PXDNL: variants seen among roughly 807,000 people sequenced by gnomAD.
PXDNL encodes the protein peroxidasin like.
A neutral mutation model predicts 150.8 loss-of-function variants in PXDNL; 145 were observed. The observed-to-expected ratio is 0.96, with a 90% CI of 0.84 to 1.10. PXDNL has a LOEUF of 1.10. Among genes scored for constraint, PXDNL ranks in the 50% least tolerant of loss-of-function variants. The pLI is 0.00. For synonymous variants in PXDNL, 757 were observed against 725.7 expected (o/e 1.04, Z -0.69); for missense variants, 2,087 against 1,873.9 (o/e 1.11, Z -2.10).
intron 11 of PXDNL, among the ~76,000 whole-genome samples, chr8:51,448,236 TG>T (rs1809722702): frequency 6.6e-6 from 1 of 152,212 alleles, no homozygotes; most frequent in African/African-American, 2.4e-5. Flanking sequence ...TGTAAGTGTC[TG>T]GCGCCTTGGT....
chr8:51,656,461 T>A (rs994281761), intron 1 of PXDNL, among the ~76,000 whole-genome samples: 2 of 152,106 alleles, frequency 1.3e-5, no homozygotes, highest in Admixed American at 6.5e-5. Flanking sequence ...TATAAACATA[T>A]AAGACATTAA....
chr8:51,411,259 C>A lies in PXDNL; in HGVS notation c.2053G>T (p.Glu685Ter), dbSNP rs760036892. 2 of 1,475,924 alleles carry A rather than the reference C, an allele frequency of 1.4e-6. No homozygotes were observed. Among genetic ancestry groups the A allele is most frequent in the South Asian group, 1.5e-5 (1 of 68,002 alleles). The allele number at this position is 1,475,924 out of a possible 1,614,324, so 91.4% of individuals were successfully genotyped here. A position where few individuals can be genotyped will look rare whatever the true frequency, so the allele number is the denominator to read the frequency against. The change falls in exon 16 of 23, where the codon GAA becomes TAA. Residue 685 changes from glutamate to a stop codon, truncating the protein, a stop_gained. Coordinates refer to ENST00000356297, the MANE Select transcript of PXDNL (RefSeq NM_144651.5). LOFTEE classifies it high-confidence loss of function. ...RVKQGLTVDL[E>*]GKEFRYNDLV... ...TGGCTTTGTGGCTGACCTTTGCCTT[C>A]CAAGTCCACAGTGAGCCCCTGCTTC...
In PXDNL at chr8:51,492,217, T is replaced by C. The variant is rs1299074051; in HGVS notation, c.452+7482A>G. On this transcript the variant is annotated intron_variant, in intron 5 of 22. Coordinates refer to ENST00000356297, the MANE Select transcript of PXDNL (RefSeq NM_144651.5). The stretch of plus-strand genomic sequence containing the variant: ...CTTTAAGGGAAAACATTTTTCTGCT[T>C]AAGGTTAGCTATGTAATTCTGCATT... Among the ~76,000 whole-genome samples the C allele has an allele frequency of 2.6e-5, 4 of 152,314 alleles. No individual in the cohort carries two copies. The East Asian group carries it at 7.7e-4, about 29-fold the overall frequency.
At chr8:51,393,300 T>A (rs904603908) in intron 17 of PXDNL, among the ~76,000 whole-genome samples, 1 of 152,180 alleles carries the variant, frequency 6.6e-6, no homozygotes, top group Non-Finnish European at 1.5e-5. Context: ...TTGACATACT[T>A]TAAATTATTT....
intron 19 of PXDNL, among the ~76,000 whole-genome samples, chr8:51,367,031 G>A (rs954015680): frequency 7.0e-5 from 10 of 142,204 alleles, no homozygotes; most frequent in African/African-American, 2.3e-4. Flanking sequence ...AACCTGGGAG[G>A]TGGAGGTTTC....
intron 1 of PXDNL, among the ~76,000 whole-genome samples, chr8:51,743,946 AAGAG>A (rs1194055953): frequency 1.0e-4 from 2 of 19,696 alleles, no homozygotes; most frequent in Non-Finnish European, 4.6e-4. Context: ...GAAGGAGAGA[AAGAG>A]AGAAAGAAAA....
At chr8:51,365,190 G>A (rs1250394665) in intron 19 of PXDNL, among the ~76,000 whole-genome samples, 2 of 152,082 alleles carry the variant, frequency 1.3e-5, no homozygotes, top group South Asian at 2.1e-4. Flanking sequence ...TGCCCACCTC[G>A]GCCTCCCAAA....
At chr8:51,710,680 G>C (rs1225765272) in intron 1 of PXDNL, among the ~76,000 whole-genome samples, 3 of 152,124 alleles carry the variant, frequency 2.0e-5, no homozygotes, top group Non-Finnish European at 2.9e-5. Context: ...CCATAGGAGT[G>C]AGCTCATGAA....
At chr8:51,665,171 G>A (rs1423128026) in intron 1 of PXDNL, among the ~76,000 whole-genome samples, 2 of 152,232 alleles carry the variant, frequency 1.3e-5, no homozygotes, top group Admixed American at 1.3e-4. Context: ...CTGTGCTCTG[G>A]GAACCCCTGT....
intron 4 of PXDNL, among the ~76,000 whole-genome samples, chr8:51,543,896 A>T (rs533371643): frequency 6.6e-6 from 1 of 152,282 alleles, no homozygotes; most frequent in East Asian, 1.9e-4. Flanking sequence ...ATCAATAAAA[A>T]TATGAAAATA....
chr8:51,484,637 C>A (rs971078444), intron 5 of PXDNL, among the ~76,000 whole-genome samples: 2 of 152,076 alleles, frequency 1.3e-5, no homozygotes, highest in Non-Finnish European at 2.9e-5. Flanking sequence ...TTCTACATGT[C>A]CGGAGCTGGA....
chr8:51,675,624 C>T (rs749071666), intron 1 of PXDNL, among the ~76,000 whole-genome samples: 10 of 151,790 alleles, frequency 6.6e-5, no homozygotes, highest in African/African-American at 2.4e-4. Context: ...GAAACCCTGT[C>T]TCTACTAAAA....
chr8:51,602,219 C>T (rs930941744), intron 2 of PXDNL, among the ~76,000 whole-genome samples: 2 of 151,642 alleles, frequency 1.3e-5, no homozygotes, highest in African/African-American at 4.8e-5. Flanking sequence ...ATCTAGATGT[C>T]TACATCTCCA....
At chr8:51,389,013 T>C (rs1807812364) in intron 17 of PXDNL, among the ~76,000 whole-genome samples, 1 of 152,232 alleles carries the variant, frequency 6.6e-6, no homozygotes, top group Non-Finnish European at 1.5e-5. Context: ...TTAATCTCCC[T>C]AAGTTCCATT....
chr8:51,454,738 TC>T (rs1809888236), intron 9 of PXDNL, among the ~76,000 whole-genome samples: 1 of 152,146 alleles, frequency 6.6e-6, no homozygotes, highest in Non-Finnish European at 1.5e-5. Flanking sequence ...TTAATTTAAT[TC>T]CTAACAATAT....
chr8:51,757,399 G>T (rs768014693), intron 1 of PXDNL, among the ~76,000 whole-genome samples: 1 of 152,192 alleles, frequency 6.6e-6, no homozygotes, highest in Non-Finnish European at 1.5e-5. Flanking sequence ...CCCGTGGCTG[G>T]TTCTGGGAGG....
chr8:51,798,584 A>C (rs1482204418), intron 1 of PXDNL, among the ~76,000 whole-genome samples: 1 of 152,130 alleles, frequency 6.6e-6, no homozygotes, highest in African/African-American at 2.4e-5. Context: ...ATATGAAAAA[A>C]GGCACATTAC....
At chr8:51,443,162 T>G (rs1437600633) in intron 12 of PXDNL, among the ~76,000 whole-genome samples, 1 of 152,192 alleles carries the variant, frequency 6.6e-6, no homozygotes. Context: ...TTTCATTAGT[T>G]ACATTTTTCT....
At chr8:51,696,840 G>A (rs896088601) in intron 1 of PXDNL, among the ~76,000 whole-genome samples, 123 of 624 alleles carry the variant, frequency 0.2, 3 homozygotes, top group South Asian at 0.33. Context: ...CACACACACA[G>A]GTCCTGACAC....
Sources: allele counts gnomAD v4.1 joint callset (sites outside exome capture counted in the v4.1 genomes callset), GRCh38; gene constraint gnomAD v4.1.1; transcripts MANE v1.5; gene names NCBI Gene and HGNC (gene_info 2026-07-23, HGNC 2026-07-21).